Variants in NAA60 observed in about 807,000 individuals in gnomAD.
NAA60 encodes the protein N-alpha-acetyltransferase 60.
A neutral mutation model predicts 26.1 loss-of-function variants in NAA60; 8 were observed. The ratio of observed to expected loss-of-function variants is 0.31; its 90% CI spans 0.18 to 0.55. The LOEUF is 0.55. NAA60 is among the 20% of genes least tolerant of loss of function. The probability of loss-of-function intolerance (pLI) is 0.93; values close to 1 mark genes in which losing one functional copy is unlikely to be tolerated. For synonymous variants in NAA60, 131 were observed against 122.5 expected (o/e 1.07, Z -0.46); for missense variants, 290 against 311.3 (o/e 0.93, Z 0.51).
chr16:3,447,412 TCCC>T, intron 1 of NAA60: 1 of 960,018 alleles, frequency 1.0e-6, no homozygotes, highest in South Asian at 4.8e-5. Context: ...TGGGGTATCT[TCCC>T]TGGCGATGTT....
intron 2 of NAA60, among the ~76,000 whole-genome samples, chr16:3,471,396 G>T (rs917860727): frequency 6.6e-6 from 1 of 152,052 alleles, no homozygotes; most frequent in Non-Finnish European, 1.5e-5. Context: ...TCAGCTACTC[G>T]GGAGGCTGAG....
At position 3,447,006 on chromosome 16, in the gene NAA60, G is replaced by A. The variant is rs534358324; in HGVS notation, c.-76-1465G>A. 2.6e-5 allele frequency among the ~76,000 whole-genome samples: 4 copies of A among 151,630 alleles called. No homozygotes were observed. In the East Asian group the frequency reaches 5.8e-4, roughly 22 times the overall value. ...ATAGGTGCGTACCACCACACCTGGC[G>A]AATTTTTGTATTTTTAGTAGAGGAC... is the stretch of plus-strand genomic sequence containing the variant. On this transcript the variant is annotated intron_variant, in intron 1 of 7. Transcript: ENST00000407558.
chr16:3,471,473 A>G (rs185106305), intron 2 of NAA60, among the ~76,000 whole-genome samples: 1 of 152,288 alleles, frequency 6.6e-6, no homozygotes, highest in East Asian at 1.9e-4. Context: ...AGTGCACTCC[A>G]GCCTTGGGGG....
intron 1 of NAA60, 186 bp downstream of exon 1, chr16:3,444,023 G>C (rs2034448292): frequency 1.7e-6 from 2 of 1,174,450 alleles, no homozygotes; most frequent in Non-Finnish European, 2.2e-6. Flanking sequence ...ATCGGTGTAG[G>C]CCAGGTTGCT....
intron 2 of NAA60, among the ~76,000 whole-genome samples, chr16:3,455,198 T>C (rs2034928896): frequency 6.6e-6 from 1 of 151,168 alleles, no homozygotes; most frequent in Non-Finnish European, 1.5e-5. Flanking sequence ...ATTACAGGCA[T>C]GTACCACCAT....
intron 2 of NAA60, among the ~76,000 whole-genome samples, chr16:3,470,051 CAG>C (rs1387400370): frequency 2.0e-5 from 3 of 152,234 alleles, no homozygotes; most frequent in Admixed American, 6.5e-5. Flanking sequence ...TGTCTCGTGT[CAG>C]GGGATGGGCT....
chr16:3,459,561 TGTG>T (rs1310425006), intron 2 of NAA60, among the ~76,000 whole-genome samples: 1 of 152,166 alleles, frequency 6.6e-6, no homozygotes, highest in Non-Finnish European at 1.5e-5. Context: ...TCTCCCTTCT[TGTG>T]GGATTTTCTA....
rs549910418 is a variant in NAA60, at chr16:3,449,170, C to T, written c.-7+630C>T. Among the ~76,000 whole-genome samples the T allele has an allele frequency of 6.3e-3, 949 of 150,836 alleles. 7 individuals are homozygous for T. Among genetic ancestry groups the T allele is most frequent in the African/African-American group, 0.022 (904 of 40,908 alleles). On this transcript the variant is annotated intron_variant, in intron 2 of 7. Transcript: ENST00000407558. The stretch of plus-strand genomic sequence containing the variant: ...GGTAGATCTCTGGAGGTCAGGAGTT[C>T]GAGACCAGCCTGCCCAACATGTTGA...
intron 5 of NAA60, 105 bp downstream of exon 5, chr16:3,482,703 G>T: frequency 1.2e-6 from 1 of 805,502 alleles, no homozygotes. Flanking sequence ...AACAACTCTG[G>T]CTCGTGAACA....
upstream of NAA60, chr16:3,443,637 G>T (rs2270498): frequency 7.4e-6 from 8 of 1,075,796 alleles, no homozygotes; most frequent in East Asian, 2.0e-4. Context: ...CCACTGGGCA[G>T]CTGCGAGAGG....
chr16:3,483,677 G>C (rs2036987582), intron 6 of NAA60, 80 bp downstream of exon 6: 1 of 1,107,824 alleles, frequency 9.0e-7, no homozygotes, highest in East Asian at 2.4e-5. Context: ...TTGGAGCTGT[G>C]GTCCCCCTCA....
chr16:3,480,003 C>G (rs1181962618), intron 4 of NAA60, among the ~76,000 whole-genome samples: 1 of 152,144 alleles, frequency 6.6e-6, no homozygotes, highest in Non-Finnish European at 1.5e-5. Flanking sequence ...AGGGAAAGTA[C>G]AGAGATAATT....
At position 3,456,160 on chromosome 16, in the gene NAA60, C is replaced by T. The variant is rs1419486007; in HGVS notation, c.-7+7620C>T. ...ATAGAATGTTGTTACTCTGTTGTTA[C>T]TTAGGGAGTGTTTTTTCAAACTGTA... On this transcript the variant is annotated intron_variant, in intron 2 of 7. Transcript: ENST00000407558. Among the ~76,000 whole-genome samples the T allele has an allele frequency of 2.0e-5, 3 of 152,162 alleles. No homozygotes were observed. In the East Asian group the frequency reaches 5.8e-4, roughly 29 times the overall value.
chr16:3,464,583 C>T (rs1234595076), intron 2 of NAA60, among the ~76,000 whole-genome samples: 1 of 152,056 alleles, frequency 6.6e-6, no homozygotes, highest in African/African-American at 2.4e-5. Context: ...GTTTTCTCTC[C>T]GAGAACAGAC....
intron 4 of NAA60, among the ~76,000 whole-genome samples, chr16:3,481,935 C>T (rs17136441): frequency 0.069 from 10,479 of 152,130 alleles, 427 homozygotes; most frequent in Admixed American, 0.086. Flanking sequence ...GACTCCCACC[C>T]GGAATTCCAT....
intron 5 of NAA60, chr16:3,483,037 A>G (rs1208580076): frequency 2.1e-6 from 1 of 483,248 alleles, no homozygotes; most frequent in Non-Finnish European, 3.7e-6. Context: ...GTCTTAATTA[A>G]TTTTAAACCC....
At chr16:3,479,668 G>A in intron 4 of NAA60, 68 bp downstream of exon 4, 1 of 1,564,024 alleles carries the variant, frequency 6.4e-7, no homozygotes. Flanking sequence ...GGCTTGCGAT[G>A]GAATCATGCT....
intron 2 of NAA60, among the ~76,000 whole-genome samples, chr16:3,463,249 A>G (rs896946906): frequency 2.5e-4 from 38 of 152,114 alleles, no homozygotes; most frequent in African/African-American, 8.7e-4. Context: ...TTATTTTAAT[A>G]TAAAAATGCA....
At chr16:3,458,305 T>A in intron 2 of NAA60, 1 of 597,402 alleles carries the variant, frequency 1.7e-6, no homozygotes, top group Non-Finnish European at 2.1e-6. Flanking sequence ...AGCGCGCTGG[T>A]GAGGCAGGCC....
Sources: allele counts gnomAD v4.1 joint callset (sites outside exome capture counted in the v4.1 genomes callset), GRCh38; gene constraint gnomAD v4.1.1; transcripts MANE v1.5; gene names NCBI Gene and HGNC (gene_info 2026-07-23, HGNC 2026-07-21).